Variants in RARG observed in about 807,000 individuals in gnomAD.
RARG encodes the protein RAR-gamma.
RARG carries 17 observed loss-of-function variants against 43.7 expected under a neutral mutation model. That is an observed-to-expected ratio of 0.39 (90% CI 0.27 to 0.58). The LOEUF is 0.58. Among genes scored for constraint, RARG ranks in the 20% least tolerant of loss-of-function variants. RARG has a pLI of 0.57. For synonymous variants in RARG, 238 were observed against 236.4 expected, an observed-to-expected ratio of 1.01 and a Z score of -0.06; for missense variants, 346 against 598.7, an observed-to-expected ratio of 0.58 and a Z score of 4.40.
At position 53,213,944 on chromosome 12, in the gene RARG, G is replaced by A; in HGVS notation, c.813+115C>T. ...GCTAAGACGAAAAGAGAGCTGAGGAGTCCCACATGTGTGGCAGGGGGTGCA... is the reference window on the plus strand; with the variant it reads ...GCTAAGACGAAAAGAGAGCTGAGGAATCCCACATGTGTGGCAGGGGGTGCA... On this transcript the variant is annotated intron_variant, in intron 7 of 9. Coordinates refer to ENST00000425354, the MANE Select transcript of RARG (RefSeq NM_000966.6). The surrounding 1 kb of genome is among the most constrained non-coding windows in gnomAD (Gnocchi z 4.7). The A allele has an allele frequency of 3.1e-6, 4 of 1,273,758 alleles. No individual in the cohort carries two copies. Among genetic ancestry groups the A allele is most frequent in the Non-Finnish European group, 4.4e-6 (4 of 909,570 alleles). 78.9% of individuals were successfully genotyped at this position (1,273,758 alleles called of 1,614,324 possible). A position where few individuals can be genotyped will look rare whatever the true frequency, so the allele number is the denominator to read the frequency against.
At position 53,213,795 on chromosome 12, in the gene RARG, G is replaced by A. The variant is rs1437238737; in HGVS notation, c.814-95C>T. 7.6e-7 allele frequency: 1 copy of A among 1,321,466 alleles called. No individual in the cohort carries two copies. Among genetic ancestry groups the A allele is most frequent in the Non-Finnish European group, 1.1e-6 (1 of 940,392 alleles). The allele number at this position is 1,321,466 out of a possible 1,614,324, so 81.9% of individuals were successfully genotyped here. A position where few individuals can be genotyped will look rare whatever the true frequency, so the allele number is the denominator to read the frequency against. On this transcript the variant is annotated intron_variant, in intron 7 of 9. Coordinates refer to ENST00000425354, the MANE Select transcript of RARG (RefSeq NM_000966.6). The surrounding 1 kb of genome is among the most constrained non-coding windows in gnomAD (Gnocchi z 4.7). ...AGTGAGGAGGTTAGGTCCCCAGTGAGTGCAACCTGAAGCAGGCATGGAGAA... is the reference window on the plus strand; with the variant it reads ...AGTGAGGAGGTTAGGTCCCCAGTGAATGCAACCTGAAGCAGGCATGGAGAA...
chr12:53,211,655 CG>C lies in RARG; in HGVS notation c.*20del. The C allele has an allele frequency of 1.4e-6, 2 of 1,441,712 alleles. No homozygotes were observed. The highest frequency in any genetic ancestry group is 9.1e-7 in the Non-Finnish European group (1 of 1,097,752). 89.3% of individuals were successfully genotyped at this position (1,441,712 alleles called of 1,614,324 possible). ...CTGCCTGAAGCCCCAACCCCCACAG[CG>C]GGGAGGTCAGGGGCCCTGGTCAGGC... On this transcript the variant is annotated 3_prime_UTR_variant, in exon 10 of 10. Coordinates refer to ENST00000425354, the MANE Select transcript of RARG (RefSeq NM_000966.6). This position sits in a 1 kb window ranked among gnomAD's most constrained non-coding sequence, Gnocchi z 4.6.
intron 2 of RARG, among the ~76,000 whole-genome samples, chr12:53,230,409 C>A (rs958688352): frequency 6.6e-6 from 1 of 152,000 alleles, no homozygotes; most frequent in Non-Finnish European, 1.5e-5. Flanking sequence ...GGCCACTCTC[C>A]ACCCGCTGCC....
At chr12:53,220,573 T>C (rs975866207) in intron 3 of RARG, among the ~76,000 whole-genome samples, 5 of 151,868 alleles carry the variant, frequency 3.3e-5, no homozygotes, top group African/African-American at 1.2e-4. Flanking sequence ...TATGCAAGAG[T>C]GAACATACAT....
chr12:53,220,723 GGAA>G (rs1411558622), intron 3 of RARG, among the ~76,000 whole-genome samples: 7 of 152,266 alleles, frequency 4.6e-5, no homozygotes, highest in East Asian at 1.9e-4. Flanking sequence ...GGTCGGGGTT[GGAA>G]GAAGGAGAGG....
At chr12:53,223,530 C>T (rs1002158391) in intron 3 of RARG, among the ~76,000 whole-genome samples, 1 of 149,618 alleles carries the variant, frequency 6.7e-6, no homozygotes, top group African/African-American at 2.4e-5. Context: ...CCCGCCCCCC[C>T]CCCGCCCAAG....
chr12:53,221,362 G>C (rs1942957395), intron 3 of RARG, among the ~76,000 whole-genome samples: 1 of 152,116 alleles, frequency 6.6e-6, no homozygotes, highest in African/African-American at 2.4e-5. Context: ...CCCATAAGCT[G>C]TGCCTGCCGT....
intron 3 of RARG, among the ~76,000 whole-genome samples, chr12:53,220,617 C>A (rs1942930686): frequency 6.6e-6 from 1 of 152,212 alleles, no homozygotes. Flanking sequence ...GGTGCACACA[C>A]GTTTGTGCAA....
intron 3 of RARG, among the ~76,000 whole-genome samples, chr12:53,221,437 A>C (rs1223473134): frequency 1.3e-5 from 2 of 152,128 alleles, no homozygotes; most frequent in Admixed American, 6.5e-5. Context: ...TCTCACTGCC[A>C]AGGGCTCCCT....
Position 53,211,993 on chromosome 12 carries a change from C to G in RARG, c.1178-130G>C, listed in dbSNP as rs773940553. On this transcript the variant is annotated intron_variant, in intron 9 of 9. Transcript: ENST00000425354. This position sits in a 1 kb window ranked among gnomAD's most constrained non-coding sequence, Gnocchi z 4.6. ...GCCCAGCACAGGCCCACCACCTCTC[C>G]GTCCCCAGCTCATCCTCTTCTCACT... 6 of 572,002 alleles carry G rather than the reference C, an allele frequency of 1.0e-5. No homozygotes were observed. Among genetic ancestry groups the G allele is most frequent in the Non-Finnish European group, 1.3e-5 (5 of 377,232 alleles). The allele number at this position is 572,002 out of a possible 1,614,324, so 35.4% of individuals were successfully genotyped here.
In RARG at chr12:53,218,776, T is replaced by C. The variant is rs12817110; in HGVS notation, c.185-2982A>G. ...GGGCTTGGTGACCTGGCGTGCGCAC[T>C]CCCCCAGCGCCCGCCGCCCCGCCCG... On this transcript the variant is annotated intron_variant, in intron 3 of 9. Coordinates refer to ENST00000425354, the MANE Select transcript of RARG (RefSeq NM_000966.6). Among the ~76,000 whole-genome samples the C allele has an allele frequency of 6.3e-3, 954 of 150,962 alleles. 7 individuals carry two copies. The highest frequency in any genetic ancestry group is 0.011 in the Non-Finnish European group (735 of 67,770).
At chr12:53,219,827 G>A (rs1942898438) in intron 3 of RARG, 1 of 928,530 alleles carries the variant, frequency 1.1e-6, no homozygotes, top group African/African-American at 1.7e-5. Flanking sequence ...TAAAGGGCCA[G>A]TACCTTACAT....
chr12:53,212,133 C>G (rs959197820), intron 9 of RARG, among the ~76,000 whole-genome samples: 4 of 152,218 alleles, frequency 2.6e-5, no homozygotes, highest in African/African-American at 9.7e-5. Context: ...GCAATGCACA[C>G]AACTTCCAAC....
At chr12:53,222,543 T>TTGGGAGGAGGGC (rs1943003048) in intron 3 of RARG, among the ~76,000 whole-genome samples, 1 of 151,512 alleles carries the variant, frequency 6.6e-6, no homozygotes. Context: ...GGGAGGGGGG[T>TTGGGAGGAGGGC]TGGGAGGAGG....
chr12:53,212,464 G>A (rs1033405624), intron 9 of RARG, among the ~76,000 whole-genome samples: 2 of 152,092 alleles, frequency 1.3e-5, no homozygotes, highest in Non-Finnish European at 2.9e-5. Flanking sequence ...GCAGGGTCTT[G>A]CTGGGTTACC....
chr12:53,220,182 C>A, intron 3 of RARG: 1 of 1,549,042 alleles, frequency 6.5e-7, no homozygotes, highest in African/African-American at 1.4e-5. Flanking sequence ...CGGCGGCGCC[C>A]CGCTCCAGCA....
intron 3 of RARG, among the ~76,000 whole-genome samples, chr12:53,218,968 A>G (rs375742739): frequency 6.7e-6 from 1 of 149,316 alleles, no homozygotes; most frequent in East Asian, 2.1e-4. Flanking sequence ...ACTGCGGCCC[A>G]AGCTTCAAAG....
At chr12:53,219,579 T>C (rs1196836230) in intron 3 of RARG, among the ~76,000 whole-genome samples, 2 of 152,326 alleles carry the variant, frequency 1.3e-5, no homozygotes, top group Middle Eastern at 3.4e-3. Context: ...ACGATATTTT[T>C]AACACTGCCA....
Position 53,214,604 on chromosome 12 carries a change from C to T in RARG, c.478G>A (p.Val160Met), listed in dbSNP as rs1942705255. Residue 160 changes from valine to methionine, a missense_variant and splice_region_variant, in exon 6 of 10, where the codon GTG becomes ATG. By Grantham distance (21) the Val-to-Met change is conservative. This residue lies in a region of RARG where 67 missense variants were observed against 79.6 expected (regional missense o/e 0.84). Coordinates refer to ENST00000425354, the MANE Select transcript of RARG (RefSeq NM_000966.6). ...CFEVGMSKEAVRNDRNKKKKE... is the reference protein window; with the variant it reads ...CFEVGMSKEAMRNDRNKKKKE... ...TTCTTCTTGTTCCGGTCATTTCGCA[C>T]AGCTTGTGGGTGGAGGCGCAAGGAG... 6.2e-7 allele frequency: 1 copy of T among 1,601,942 alleles called. No homozygotes were observed. The highest frequency in any genetic ancestry group is 2.2e-5 in the East Asian group (1 of 44,484).
Sources: gnomAD v4.1 joint callset for allele counts (sites outside exome capture counted in the v4.1 genomes callset) on GRCh38, gnomAD v4.1.1 for gene constraint, gnomAD v4.1.1 regional missense constraint, Gnocchi (gnomAD v3.1) non-coding constraint, MANE v1.5 for transcripts, NCBI Gene and HGNC (gene_info 2026-07-23, HGNC 2026-07-21) for gene names.